The following VPS8 variants were observed in gnomAD, a reference collection of about 807,000 sequenced individuals.
VPS8 encodes VPS8 subunit of CORVET complex, also known as vacuolar protein sorting-associated protein 8 homolog.
Under a neutral mutation model 216.4 loss-of-function variants are expected in VPS8, and 129 were observed. That is an observed-to-expected ratio of 0.60 (90% confidence interval 0.52 to 0.69). VPS8 has a LOEUF of 0.69. Ranked by LOEUF, VPS8 falls within the 30% of genes least tolerant of loss-of-function variation. The pLI is 0.00. For synonymous variants in VPS8, 571 were observed against 565.4 expected (o/e 1.01, Z -0.14); for missense variants, 1,531 against 1,683.5 (o/e 0.91, Z 1.59).
intron 45 of VPS8, among the ~76,000 whole-genome samples, chr3:185,017,284 G>C (rs1755943117): frequency 6.6e-6 from 1 of 152,120 alleles, no homozygotes; most frequent in Non-Finnish European, 1.5e-5. Flanking sequence ...CACGTGGACG[G>C]CCAGTGCTAT....
At chr3:185,006,879 A>C (rs1754334957) in intron 45 of VPS8, among the ~76,000 whole-genome samples, 2 of 152,120 alleles carry the variant, frequency 1.3e-5, no homozygotes. Context: ...CCAAGACTTG[A>C]GATAATTAAC....
intron 46 of VPS8, among the ~76,000 whole-genome samples, chr3:185,034,789 A>C (rs577335046): frequency 6.6e-6 from 1 of 152,278 alleles, no homozygotes; most frequent in East Asian, 1.9e-4. Flanking sequence ...ATATTTGCCA[A>C]GGGTCAATGA....
intron 7 of VPS8, 61 bp from the exon 8 acceptor site, chr3:184,843,179 T>G: frequency 7.6e-7 from 1 of 1,323,568 alleles, no homozygotes; most frequent in Non-Finnish European, 1.0e-6. Flanking sequence ...TTCTTCGAAC[T>G]TTTGAACTGA....
At chr3:184,831,440 T>C (rs1719960390) in intron 3 of VPS8, among the ~76,000 whole-genome samples, 1 of 152,052 alleles carries the variant, frequency 6.6e-6, no homozygotes, top group South Asian at 2.1e-4. Context: ...AGGTAGTGAG[T>C]AGACATTAAT....
chr3:184,968,602 A>G (rs1350707595), intron 39 of VPS8, among the ~76,000 whole-genome samples: 1 of 151,940 alleles, frequency 6.6e-6, no homozygotes, highest in Non-Finnish European at 1.5e-5. Flanking sequence ...CTAATTATGG[A>G]TTTGATTTGC....
intron 45 of VPS8, among the ~76,000 whole-genome samples, chr3:185,007,430 T>C (rs907567692): frequency 1.3e-5 from 2 of 152,248 alleles, no homozygotes; most frequent in African/African-American, 4.8e-5. Flanking sequence ...TTCTTTGGCA[T>C]TGATTAGCAT....
intron 21 of VPS8, among the ~76,000 whole-genome samples, chr3:184,882,030 A>G (rs1434880599): frequency 6.7e-6 from 1 of 149,688 alleles, no homozygotes; most frequent in African/African-American, 2.4e-5. Flanking sequence ...CAACAGAGAC[A>G]GTTTTTTTTT....
intron 23 of VPS8, 26 bp from the exon 24 acceptor site, chr3:184,898,539 G>A: frequency 1.3e-6 from 2 of 1,520,692 alleles, no homozygotes; most frequent in African/African-American, 1.4e-5. Flanking sequence ...GAATTGTATG[G>A]ACCAAGTGGC....
intron 5 of VPS8, chr3:184,836,123 C>T (rs1721040010): frequency 2.7e-6 from 1 of 367,290 alleles, no homozygotes; most frequent in Non-Finnish European, 5.3e-6. Flanking sequence ...ACAACAACAA[C>T]AACAAAAGTA....
intron 1 of VPS8, among the ~76,000 whole-genome samples, chr3:184,813,322 G>C (rs1715581777): frequency 6.6e-6 from 1 of 152,112 alleles, no homozygotes; most frequent in South Asian, 2.1e-4. Context: ...AGCAAAACAA[G>C]CATGGATGTT....
intron 8 of VPS8, among the ~76,000 whole-genome samples, chr3:184,848,064 C>T (rs567078770): frequency 2.0e-5 from 3 of 152,214 alleles, no homozygotes; most frequent in South Asian, 4.1e-4. Flanking sequence ...AGGTGCCCAC[C>T]ACCACACCCG....
chr3:184,815,981 C>G (rs1716233569), intron 1 of VPS8: 2 of 152,240 alleles, frequency 1.3e-5, no homozygotes, highest in East Asian at 1.9e-4. Context: ...ATTTAACTTA[C>G]AAGAATTTAC....
chr3:184,992,876 G>C (rs1024112120), intron 42 of VPS8, among the ~76,000 whole-genome samples: 2 of 152,084 alleles, frequency 1.3e-5, no homozygotes, highest in African/African-American at 4.8e-5. Flanking sequence ...TATATTGATA[G>C]CCATGAAAAT....
At chr3:184,849,013 T>G (rs1272708531) in intron 8 of VPS8, 58 bp from the exon 9 acceptor site, 18 of 1,591,830 alleles carry the variant, frequency 1.1e-5, no homozygotes, top group Non-Finnish European at 1.5e-5. Flanking sequence ...ATGCCTGTAC[T>G]CGATGTATTT....
intron 3 of VPS8, 149 bp from the exon 4 acceptor site, chr3:184,832,540 T>C: frequency 1.5e-6 from 1 of 677,252 alleles, no homozygotes; most frequent in South Asian, 2.4e-5. Context: ...TAATTCTGTA[T>C]GGTTTCTTTC....
chr3:184,849,801 GTATGTTTTAAC>G, intron 9 of VPS8, 124 bp from the exon 10 acceptor site: 1 of 683,952 alleles, frequency 1.5e-6, no homozygotes, highest in Non-Finnish European at 2.6e-6. Flanking sequence ...CAACCTTTAG[GTATGTTTTAAC>G]TTTATAGTTC....
chr3:184,823,041 A>G (rs966567470), intron 1 of VPS8, among the ~76,000 whole-genome samples: 6 of 152,242 alleles, frequency 3.9e-5, no homozygotes, highest in African/African-American at 7.2e-5. Context: ...AGTCAGTTTC[A>G]TAAGTCCATG....
chr3:184,848,860 C>T (rs1184051583), intron 8 of VPS8, among the ~76,000 whole-genome samples: 2 of 152,224 alleles, frequency 1.3e-5, no homozygotes, highest in South Asian at 4.1e-4. Context: ...TGAGCCACCG[C>T]ACCCGGCCTT....
At chr3:184,931,101 T>C (rs1740603102) in intron 34 of VPS8, among the ~76,000 whole-genome samples, 1 of 152,170 alleles carries the variant, frequency 6.6e-6, no homozygotes, top group Non-Finnish European at 1.5e-5. Context: ...CTTCTAGATA[T>C]ACAAATAGAC....
Sources: allele counts gnomAD v4.1 joint callset (sites outside exome capture counted in the v4.1 genomes callset), GRCh38; gene constraint gnomAD v4.1.1; transcripts MANE v1.5; gene names NCBI Gene and HGNC (gene_info 2026-07-23, HGNC 2026-07-21).